Variants in RGS7 observed in about 807,000 individuals in gnomAD.
RGS7 encodes regulator of G-protein signaling 7.
In RGS7, 27 loss-of-function variants were observed where a neutral mutation model predicts 81.1. The observed-to-expected ratio is 0.33, with a 90% CI of 0.25 to 0.46. The LOEUF is 0.46. Among genes scored for constraint, RGS7 ranks in the 20% least tolerant of loss-of-function variants. RGS7 has a pLI of 1.00. For missense variants in RGS7, 396 were observed against 607.4 expected (o/e 0.65, Z 3.66); for synonymous variants, 208 against 207.7 (o/e 1.00, Z -0.01).
intron 6 of RGS7, chr1:240,920,043 G>T: frequency 1.8e-6 from 2 of 1,099,006 alleles, no homozygotes; most frequent in Non-Finnish European, 2.8e-6. Flanking sequence ...TGGAAAAATT[G>T]AAGGGATTGA....
At chr1:241,169,961 C>T (rs1558151241) in intron 2 of RGS7, among the ~76,000 whole-genome samples, 1 of 152,026 alleles carries the variant, frequency 6.6e-6, no homozygotes, top group Non-Finnish European at 1.5e-5. Context: ...AAAGAATATA[C>T]TCAGATCTCG....
chr1:241,089,051 CTCTCTCTCTCTCTATA>C lies in RGS7; in HGVS notation c.175+9599_175+9614del, dbSNP rs1476081087. Among the ~76,000 whole-genome samples, 210 of 53,486 alleles carry C rather than the reference CTCTCTCTCTCTCTATA, an allele frequency of 3.9e-3. 1 individual carries two copies. The highest frequency in any genetic ancestry group is 6.9e-3 in the Middle Eastern group (1 of 144). 35.1% of individuals were successfully genotyped at this position (53,486 alleles called of 152,430 possible). On this transcript the variant is annotated intron_variant, in intron 3 of 18. Transcript: ENST00000440928. ...TCTCTCTCTCTCTCTCTCTCTCTCT[CTCTCTCTCTCTCTATA>C]TATATATATATATATATATATATAT...
At chr1:241,286,897 G>A (rs2078840354) in intron 2 of RGS7, among the ~76,000 whole-genome samples, 1 of 152,054 alleles carries the variant, frequency 6.6e-6, no homozygotes, top group Non-Finnish European at 1.5e-5. Flanking sequence ...TAGATTTCAG[G>A]GCCAAATCCC....
intron 2 of RGS7, among the ~76,000 whole-genome samples, chr1:241,108,624 A>AAGTTCAAATAGGAG (rs1346285303): frequency 6.6e-6 from 1 of 152,194 alleles, no homozygotes; most frequent in Non-Finnish European, 1.5e-5. Context: ...ATTGCAGTCA[A>AAGTTCAAATAGGAG]AGTTCAAATA....
intron 2 of RGS7, among the ~76,000 whole-genome samples, chr1:241,154,368 A>G (rs2068966368): frequency 6.6e-6 from 1 of 152,166 alleles, no homozygotes; most frequent in South Asian, 2.1e-4. Context: ...CCTGAGGGGA[A>G]ACGTGTTTGG....
chr1:240,893,075 T>C (rs1427158175), intron 6 of RGS7, among the ~76,000 whole-genome samples: 1 of 152,076 alleles, frequency 6.6e-6, no homozygotes. Context: ...CTAAGATAAA[T>C]AAGATGTAGT....
chr1:240,897,499 T>C (rs948195128), intron 6 of RGS7, among the ~76,000 whole-genome samples: 2 of 152,224 alleles, frequency 1.3e-5, no homozygotes, highest in African/African-American at 2.4e-5. Context: ...GAAGTGCCGC[T>C]GAATTTTGTC....
chr1:240,904,422 A>T (rs1670507212), intron 6 of RGS7, among the ~76,000 whole-genome samples: 1 of 151,934 alleles, frequency 6.6e-6, no homozygotes, highest in Non-Finnish European at 1.5e-5. Context: ...AAATTAACTT[A>T]TTTTCTTATG....
intron 3 of RGS7, among the ~76,000 whole-genome samples, chr1:241,016,271 G>C (rs910863143): frequency 1.3e-5 from 2 of 152,108 alleles, no homozygotes; most frequent in Non-Finnish European, 2.9e-5. Flanking sequence ...TGTAATCCTA[G>C]CACTTTGGGA....
At chr1:240,786,726 A>T (rs4660007) in intron 18 of RGS7, among the ~76,000 whole-genome samples, 148,358 of 152,102 alleles carry the variant, frequency 0.98, 72,356 homozygotes, top group East Asian at 1. Flanking sequence ...AATATTTTTT[A>T]AAAAATGTGT....
intron 4 of RGS7, among the ~76,000 whole-genome samples, chr1:240,956,751 A>G (rs562209561): frequency 4.5e-4 from 69 of 152,282 alleles, no homozygotes; most frequent in Non-Finnish European, 8.5e-4. Context: ...AAAAGGTAAA[A>G]AGAGATGGTA....
chr1:241,026,995 CAG>C (rs1558616298), intron 3 of RGS7, among the ~76,000 whole-genome samples: 1 of 149,928 alleles, frequency 6.7e-6, no homozygotes, highest in Non-Finnish European at 1.5e-5. Flanking sequence ...AACAAGGTTC[CAG>C]CCTCAGCAAC....
intron 2 of RGS7, among the ~76,000 whole-genome samples, chr1:241,220,674 A>C (rs113565520): frequency 2.0e-4 from 31 of 152,264 alleles, no homozygotes; most frequent in African/African-American, 6.7e-4. Context: ...TCCTATAATG[A>C]CATGTAATTA....
At chr1:241,181,134 C>T (rs762417050) in intron 2 of RGS7, among the ~76,000 whole-genome samples, 1 of 152,170 alleles carries the variant, frequency 6.6e-6, no homozygotes, top group Non-Finnish European at 1.5e-5. Flanking sequence ...ACGGTGGACA[C>T]ACGTCAGTGT....
chr1:241,041,908 GT>G (rs2148770362), intron 3 of RGS7, among the ~76,000 whole-genome samples: 1 of 152,204 alleles, frequency 6.6e-6, no homozygotes, highest in South Asian at 2.1e-4. Context: ...CTTATTTGTT[GT>G]TGTGTCCCTG....
intron 10 of RGS7, among the ~76,000 whole-genome samples, chr1:240,822,592 G>A (rs1358656309): frequency 6.6e-6 from 1 of 152,086 alleles, no homozygotes; most frequent in Non-Finnish European, 1.5e-5. Context: ...TTGTTTAGAA[G>A]TACAAGCTAT....
At chr1:241,083,443 T>C (rs1285091276) in intron 3 of RGS7, among the ~76,000 whole-genome samples, 2 of 152,198 alleles carry the variant, frequency 1.3e-5, no homozygotes, top group East Asian at 1.9e-4. Flanking sequence ...GCAAGGTTAA[T>C]TGAAGTGTCC....
intron 3 of RGS7, among the ~76,000 whole-genome samples, chr1:241,024,139 C>T (rs2148705565): frequency 6.6e-6 from 1 of 152,292 alleles, no homozygotes; most frequent in East Asian, 1.9e-4. Context: ...TAACCCAGGC[C>T]ACCTAGCTTT....
chr1:240,832,897 G>T (rs377623332), intron 9 of RGS7, among the ~76,000 whole-genome samples: 2 of 152,162 alleles, frequency 1.3e-5, no homozygotes, highest in Admixed American at 6.5e-5. Context: ...CCCTTATCCT[G>T]GGGGGATATG....
Sources: gnomAD v4.1 joint callset for allele counts (sites outside exome capture counted in the v4.1 genomes callset) on GRCh38, gnomAD v4.1.1 for gene constraint, MANE v1.5 for transcripts, NCBI Gene and HGNC (gene_info 2026-07-23, HGNC 2026-07-21) for gene names.